Variants in HPS4 observed in about 807,000 individuals in gnomAD.
The protein encoded by HPS4 is BLOC-3 complex member HPS4.
A neutral mutation model predicts 70.3 loss-of-function variants in HPS4; 44 were observed. That is an observed-to-expected ratio of 0.63 (90% CI 0.49 to 0.80). The LOEUF is 0.80. Among genes scored for constraint, HPS4 ranks in the 30% least tolerant of loss-of-function variants. The pLI is 0.00. For synonymous variants in HPS4, 377 were observed against 355.9 expected (o/e 1.06, Z -0.67); for missense variants, 873 against 884.4 (o/e 0.99, Z 0.16).
Position 26,466,254 on chromosome 22 carries a change from AG to A in HPS4, c.677del (p.Pro226LeufsTer25). The part of the protein sequence containing the change: ...HRTAPQEQRL[P>X]TGEDAPQEHG... ...GTTCCTGCGGGGCATCCTCTCCCGT[AG>A]GGAGTCTCTGAAAACAAACACACAC... On this transcript the variant is annotated frameshift_variant, in exon 9 of 14. Transcript: ENST00000398145. LOFTEE classifies it high-confidence loss of function. 1 of 1,614,156 alleles carries A rather than the reference AG, an allele frequency of 6.2e-7. No homozygotes were observed. The highest frequency in any genetic ancestry group is 8.5e-7 in the Non-Finnish European group (1 of 1,179,982).
rs777324808 is a variant in HPS4, at chr22:26,479,293, G to C, written c.104C>G (p.Ala35Gly). 3 of 1,614,094 alleles carry C rather than the reference G, an allele frequency of 1.9e-6. No homozygotes were observed. The highest frequency in any genetic ancestry group is 2.5e-6 in the Non-Finnish European group (3 of 1,180,048). ...GGAAGGATAAAAGTAACAAATGCCA[G>C]CTCTTGTTGGATCGCCTTCTTCCTT... Reference protein sequence around the residue: ...KVKEEGDPTRAGICYFYPSQT... With the variant: ...KVKEEGDPTRGGICYFYPSQT... The change falls in exon 3 of 14, where the codon GCT (alanine) becomes GGT (glycine). Residue 35 changes from alanine (A) to glycine (G), a missense_variant. Transcript: ENST00000398145.
chr22:26,449,236 CTGG>C (rs2085056925), downstream of HPS4, among the ~76,000 whole-genome samples: 1 of 152,046 alleles, frequency 6.6e-6, no homozygotes, highest in African/African-American at 2.4e-5. Context: ...CCATAGCCTC[CTGG>C]TGGTTTCCAC....
At chr22:26,460,061 G>A (rs1216746204) in intron 11 of HPS4, among the ~76,000 whole-genome samples, 3 of 152,198 alleles carry the variant, frequency 2.0e-5, no homozygotes. Context: ...GAAAGTCTCA[G>A]AAATGATATT....
rs1184136526 is a variant in HPS4 at position 26,482,046 on chromosome 22, C to T, written c.-284G>A. The stretch of plus-strand genomic sequence containing the variant: ...CCTAGCAGAAAAGTCAAATCCATTC[C>T]TCTGGTTTCCTAAGTATCACTGTGG... On this transcript the variant is annotated 5_prime_UTR_variant, in exon 2 of 14. Transcript: ENST00000398145. 1.6e-5 allele frequency: 7 copies of T among 445,864 alleles called. No individual in the cohort carries two copies. Among genetic ancestry groups the T allele is most frequent in the Non-Finnish European group, 2.5e-5 (6 of 240,698 alleles). 27.6% of individuals were successfully genotyped at this position (445,864 alleles called of 1,614,324 possible).
rs1480981929 is a variant in HPS4 at position 26,452,752 on chromosome 22, C to T, written c.*481G>A. ...AGAGCGCACTGGAGAAACCTACCTG[C>T]GGCGTGGGAGTGGAGTCGGCCTGCT... On this transcript the variant is annotated 3_prime_UTR_variant, in exon 14 of 14. Transcript: ENST00000398145. The T allele has an allele frequency of 1.2e-5, 3 of 244,736 alleles. No homozygotes were observed. The highest frequency in any genetic ancestry group is 1.5e-3 in the Middle Eastern group (1 of 662). 15.2% of individuals were successfully genotyped at this position (244,736 alleles called of 1,614,324 possible).
At chr22:26,448,110 TG>T (rs1331965242), downstream of HPS4, among the ~76,000 whole-genome samples, 1 of 152,216 alleles carries the variant, frequency 6.6e-6, no homozygotes, top group Non-Finnish European at 1.5e-5. Context: ...GCGCATCTTC[TG>T]AAGTCTGGAC....
At chr22:26,444,127 G>A (rs984682531), downstream of HPS4, 4 of 152,304 alleles carry the variant, frequency 2.6e-5, no homozygotes, top group East Asian at 1.9e-4. Context: ...GGATAGGACC[G>A]CGCTCACCCA....
intron 9 of HPS4, 95 bp downstream of exon 9, chr22:26,466,131 G>C (rs2088552369): frequency 5.0e-6 from 8 of 1,612,176 alleles, no homozygotes; most frequent in Non-Finnish European, 6.8e-6. Flanking sequence ...AAATAAACAT[G>C]CAGATGGCTT....
chr22:26,475,347 C>CTTTTTTTTT (rs5844705), intron 4 of HPS4: 1 of 95,644 alleles, frequency 1.0e-5, no homozygotes, highest in East Asian at 3.1e-4. Flanking sequence ...CATTAAATTT[C>CTTTTTTTTT]TTTTTTTTTT....
At chr22:26,482,522 T>C (rs1449828918) in intron 1 of HPS4, among the ~76,000 whole-genome samples, 1 of 152,162 alleles carries the variant, frequency 6.6e-6, no homozygotes, top group Non-Finnish European at 1.5e-5. Flanking sequence ...GCTGTGGTAA[T>C]AATGGAACCC....
chr22:26,475,843 A>C (rs1317889394), intron 4 of HPS4: 1 of 152,028 alleles, frequency 6.6e-6, no homozygotes, highest in Non-Finnish European at 1.5e-5. Context: ...GGAGTTCAAG[A>C]CCAGCCTGAG....
At chr22:26,471,464 C>T in intron 6 of HPS4, 1 of 450,602 alleles carries the variant, frequency 2.2e-6, no homozygotes, top group East Asian at 7.0e-5. Context: ...AGACTTCCAC[C>T]TGCCAGCTAG....
chr22:26,454,230 C>A (rs2085687526), intron 13 of HPS4, among the ~76,000 whole-genome samples: 1 of 152,216 alleles, frequency 6.6e-6, no homozygotes, highest in African/African-American at 2.4e-5. Context: ...TCTCCTGCAC[C>A]CACTGGCCCA....
intron 8 of HPS4, 96 bp from the exon 9 acceptor site, chr22:26,466,358 T>TA: frequency 7.2e-7 from 1 of 1,385,758 alleles, no homozygotes; most frequent in Non-Finnish European, 1.0e-6. Context: ...TCATAAAACT[T>TA]AGCCAGGCCC....
At chr22:26,480,931 C>T (rs778627358) in intron 2 of HPS4, among the ~76,000 whole-genome samples, 85 of 152,132 alleles carry the variant, frequency 5.6e-4, no homozygotes, top group Non-Finnish European at 7.2e-4. Flanking sequence ...AACAAACAAA[C>T]AAATAAATAA....
intron 13 of HPS4, among the ~76,000 whole-genome samples, chr22:26,456,211 G>A (rs1197046856): frequency 6.6e-6 from 1 of 152,168 alleles, no homozygotes; most frequent in Non-Finnish European, 1.5e-5. Context: ...ACACTGCCCC[G>A]ACACTGAAAT....
chr22:26,443,137 T>C (rs180855742), downstream of HPS4: 1,196 of 1,614,100 alleles, frequency 7.4e-4, 16 homozygotes, highest in East Asian at 0.025. Context: ...TCATGGTGGA[T>C]TTGTGGCATC....
At position 26,466,277 on chromosome 22, in the gene HPS4, A is replaced by G. The variant is rs1217679146; in HGVS notation, c.670-15T>C. ...GTAGGGAGTCTCTGAAAACAAACAC[A>G]CACAGAAGTTGGCGCTGGGCACCAC... is the stretch of plus-strand genomic sequence containing the variant. On this transcript the variant is annotated splice_polypyrimidine_tract_variant and intron_variant, in intron 8 of 13. Transcript: ENST00000398145. The G allele has an allele frequency of 3.7e-6, 6 of 1,614,084 alleles. No individual in the cohort carries two copies. The highest frequency in any genetic ancestry group is 5.1e-6 in the Non-Finnish European group (6 of 1,179,930).
At chr22:26,463,812 G>A in intron 11 of HPS4, 105 bp downstream of exon 11, 1 of 1,214,242 alleles carries the variant, frequency 8.2e-7, no homozygotes, top group Non-Finnish European at 1.2e-6. Context: ...ACAACTGAGG[G>A]CTGAGCCTTT....
Sources: gnomAD v4.1 joint callset for allele counts (sites outside exome capture counted in the v4.1 genomes callset) on GRCh38, gnomAD v4.1.1 for gene constraint, MANE v1.5 for transcripts, NCBI Gene and HGNC (gene_info 2026-07-23, HGNC 2026-07-21) for gene names.